REPS2: variants seen among roughly 807,000 people sequenced by gnomAD.
The protein encoded by REPS2 is ralBP1-associated Eps domain-containing protein 2.
In REPS2, 23 loss-of-function variants were observed where a neutral mutation model predicts 53.6. The ratio of observed to expected loss-of-function variants is 0.43; its 90% CI spans 0.31 to 0.61. The LOEUF (loss-of-function observed/expected upper bound fraction) is 0.61. Ranked by LOEUF, REPS2 falls within the 20% of genes least tolerant of loss-of-function variation. The pLI is 0.11. For missense variants in REPS2, 446 were observed against 534.9 expected (o/e 0.83, Z 1.64); for synonymous variants, 238 against 218.6 (o/e 1.09, Z -0.78).
chrX:16,983,335 G>A (rs1002059735), intron 1 of REPS2, among the ~76,000 whole-genome samples: 1 of 111,644 alleles, frequency 9.0e-6, no homozygotes, highest in African/African-American at 3.3e-5. Flanking sequence ...CAGTTTAATT[G>A]TAGTTGTGTT....
At chrX:17,168,217 A>G in the REPS2 span, among the ~76,000 whole-genome samples, 1 of 111,777 alleles carries the variant, frequency 8.9e-6, no homozygotes, top group Non-Finnish European at 1.9e-5. Flanking sequence ...GGTAACTCTC[A>G]ACCAATAGAA....
chrX:16,999,368 A>ATTTTTT (rs1162932789), intron 1 of REPS2, among the ~76,000 whole-genome samples: 10 of 62,726 alleles, frequency 1.6e-4, no homozygotes, highest in Non-Finnish European at 2.4e-4. Context: ...GATGTTCCTG[A>ATTTTTT]TTTTTTTTTT....
At chrX:17,108,047 G>A (rs967566891) in intron 14 of REPS2, among the ~76,000 whole-genome samples, 2 of 111,224 alleles carry the variant, frequency 1.8e-5, no homozygotes, top group African/African-American at 6.5e-5. Flanking sequence ...TAAAGTGTTG[G>A]GGATTACAGG....
intron 1 of REPS2, among the ~76,000 whole-genome samples, chrX:17,005,893 A>G (rs2061357229): frequency 8.9e-6 from 1 of 112,277 alleles, no homozygotes; most frequent in South Asian, 3.7e-4. Context: ...GACTTTGAAC[A>G]TTAGAATCCA....
rs1354704232 is a variant in REPS2, at chrX:16,946,706, C to A, written c.-156C>A. ...CCGGCGCGCGCCGGGAGGAAGCGGC[C>A]GCGCGGCAGCTGCGGGGCGTGGGGG... On this transcript the variant is annotated 5_prime_UTR_variant, in exon 1 of 18. Coordinates refer to ENST00000357277, the MANE Select transcript of REPS2 (RefSeq NM_004726.3). 3.3e-6 allele frequency: 2 copies of A among 597,208 alleles called. No homozygotes were observed. Among genetic ancestry groups the A allele is most frequent in the South Asian group, 8.2e-5 (1 of 12,202 alleles). 49.2% of individuals were successfully genotyped at this position (597,208 alleles called of 1,213,427 possible).
intron 14 of REPS2, among the ~76,000 whole-genome samples, chrX:17,105,752 C>T (rs1334500254): frequency 8.9e-6 from 1 of 112,113 alleles, no homozygotes; most frequent in Non-Finnish European, 1.9e-5. Flanking sequence ...CCCCTATTCC[C>T]TCCTTTCACC....
At chrX:17,054,649 G>T (rs952341298) in intron 7 of REPS2, among the ~76,000 whole-genome samples, 159 bp from the exon 8 acceptor site, 1 of 111,592 alleles carries the variant, frequency 9.0e-6, no homozygotes, top group Non-Finnish European at 1.9e-5. Context: ...TTTCTTCCTC[G>T]GAGTGGCCCC....
At chrX:17,109,225 G>C (rs1033245761) in intron 14 of REPS2, among the ~76,000 whole-genome samples, 5 of 110,890 alleles carry the variant, frequency 4.5e-5, no homozygotes, top group Non-Finnish European at 9.4e-5. Context: ...TTAGCCTAGT[G>C]GTTCTCACCC....
downstream of REPS2, among the ~76,000 whole-genome samples, chrX:17,157,170 A>G (rs978261092): frequency 3.6e-5 from 4 of 111,446 alleles, no homozygotes; most frequent in Admixed American, 9.5e-5. Flanking sequence ...TGTGTTTTTA[A>G]ATTTATTTTT....
the REPS2 span, among the ~76,000 whole-genome samples, chrX:17,196,481 A>C: frequency 9.0e-6 from 1 of 111,372 alleles, no homozygotes; most frequent in Non-Finnish European, 1.9e-5. Flanking sequence ...GCTCTTATAA[A>C]AGAGGCCCCA....
At chrX:17,081,236 G>A (rs183241746) in intron 13 of REPS2, among the ~76,000 whole-genome samples, 46 of 111,921 alleles carry the variant, frequency 4.1e-4, no homozygotes, top group African/African-American at 1.5e-3. Flanking sequence ...GCTTAAAGTG[G>A]AGTGATAGTG....
chrX:17,008,705 C>T (rs751651177), intron 2 of REPS2, among the ~76,000 whole-genome samples: 5 of 111,849 alleles, frequency 4.5e-5, no homozygotes, highest in Admixed American at 9.5e-5. Flanking sequence ...TGCTTGAAAT[C>T]TATTAGCTTA....
chrX:17,019,988 C>G (rs1043811605), intron 2 of REPS2, among the ~76,000 whole-genome samples: 16 of 111,881 alleles, frequency 1.4e-4, no homozygotes, highest in African/African-American at 4.9e-4. Context: ...GTGAGAGTTG[C>G]TTGGAACCAC....
chrX:17,109,964 C>A (rs2062937000), intron 14 of REPS2, among the ~76,000 whole-genome samples: 1 of 112,387 alleles, frequency 8.9e-6, no homozygotes, highest in African/African-American at 3.2e-5. Context: ...ATATTCAACA[C>A]CATTTTAAAT....
intron 1 of REPS2, among the ~76,000 whole-genome samples, chrX:17,002,711 C>T (rs1044231555): frequency 1.8e-5 from 2 of 111,812 alleles, no homozygotes; most frequent in Non-Finnish European, 3.8e-5. Context: ...CCTCCTGGGG[C>T]TGTGCTGAGT....
chrX:17,039,651 T>G (rs1247165397), intron 5 of REPS2, among the ~76,000 whole-genome samples: 1 of 112,292 alleles, frequency 8.9e-6, no homozygotes, highest in Non-Finnish European at 1.9e-5. Flanking sequence ...TTTTACAGGA[T>G]GGATGAACAG....
chrX:17,043,513 C>T (rs980081985), intron 5 of REPS2, among the ~76,000 whole-genome samples: 2 of 108,500 alleles, frequency 1.8e-5, no homozygotes, highest in Non-Finnish European at 3.8e-5. Flanking sequence ...TGCCCCCCCC[C>T]CCGGCTTTGT....
intron 3 of REPS2, among the ~76,000 whole-genome samples, chrX:17,024,311 G>A (rs753178436): frequency 8.7e-4 from 89 of 102,616 alleles, no homozygotes; most frequent in African/African-American, 3.1e-3. Context: ...ACAAAAAAAA[G>A]CACTGTTTTC....
chrX:16,984,037 A>G (rs1365234475), intron 1 of REPS2, among the ~76,000 whole-genome samples: 2 of 112,924 alleles, frequency 1.8e-5, no homozygotes, highest in Admixed American at 9.3e-5. Context: ...ATTGCTGTAT[A>G]ACAGGTTACC....
Sources: gnomAD v4.1 joint callset for allele counts (sites outside exome capture counted in the v4.1 genomes callset) on GRCh38, gnomAD v4.1.1 for gene constraint, MANE v1.5 for transcripts, NCBI Gene and HGNC (gene_info 2026-07-23, HGNC 2026-07-21) for gene names.